NLGN1: variants seen among roughly 807,000 people sequenced by gnomAD.
The protein encoded by NLGN1 is neuroligin-1.
In NLGN1, 12 loss-of-function variants were observed where a neutral mutation model predicts 65.5. The observed-to-expected ratio is 0.18, with a 90% CI of 0.12 to 0.30. The LOEUF is 0.30. Ranked by LOEUF, NLGN1 falls within the 10% of genes least tolerant of loss-of-function variation. NLGN1 has a pLI of 1.00. For synonymous variants in NLGN1, 350 were observed against 359.5 expected (o/e 0.97, Z 0.30); for missense variants, 750 against 1,007.1 (o/e 0.74, Z 3.46).
chr3:173,944,197 C>T (rs1001264764), intron 4 of NLGN1, among the ~76,000 whole-genome samples: 3 of 149,154 alleles, frequency 2.0e-5, no homozygotes, highest in East Asian at 2.0e-4. Flanking sequence ...GAAAGCTTCC[C>T]GAAAGGAGGC....
At chr3:174,033,221 G>A (rs1730414712) in intron 4 of NLGN1, among the ~76,000 whole-genome samples, 1 of 152,118 alleles carries the variant, frequency 6.6e-6, no homozygotes, top group Non-Finnish European at 1.5e-5. Flanking sequence ...ATTAATTAGG[G>A]ACGTCGAAAG....
chr3:174,199,599 A>G (rs1402778010), intron 4 of NLGN1, among the ~76,000 whole-genome samples: 1 of 152,018 alleles, frequency 6.6e-6, no homozygotes, highest in African/African-American at 2.4e-5. Context: ...AATGAATACG[A>G]TGATTAGATA....
At chr3:174,080,061 A>G (rs1741824731) in intron 4 of NLGN1, among the ~76,000 whole-genome samples, 1 of 152,188 alleles carries the variant, frequency 6.6e-6, no homozygotes, top group African/African-American at 2.4e-5. Flanking sequence ...ATTAAAAGAT[A>G]AACAATGGAA....
chr3:174,265,783 GTATA>G (rs1168048305), intron 4 of NLGN1, among the ~76,000 whole-genome samples: 7 of 128,516 alleles, frequency 5.4e-5, no homozygotes, highest in African/African-American at 9.3e-5. Flanking sequence ...ATATATATAT[GTATA>G]TATATATATA....
intron 2 of NLGN1, among the ~76,000 whole-genome samples, chr3:173,537,071 A>G (rs1377496619): frequency 6.6e-6 from 1 of 152,182 alleles, no homozygotes; most frequent in Non-Finnish European, 1.5e-5. Flanking sequence ...ACCCACATAC[A>G]TTGGAGAAGG....
chr3:173,747,135 ATATATG>A (rs1245321933), intron 3 of NLGN1, among the ~76,000 whole-genome samples: 3 of 149,660 alleles, frequency 2.0e-5, no homozygotes, highest in African/African-American at 7.3e-5. Flanking sequence ...GTGTGTGTAT[ATATATG>A]TATATGTATA....
At chr3:174,014,070 C>G (rs1467942678) in intron 4 of NLGN1, among the ~76,000 whole-genome samples, 2 of 151,978 alleles carry the variant, frequency 1.3e-5, no homozygotes, top group Non-Finnish European at 2.9e-5. Flanking sequence ...GTTGATATTG[C>G]CACGTCTTAG....
chr3:174,099,808 A>G lies in NLGN1; in HGVS notation c.647-175507A>G, dbSNP rs183906855. 2.8e-3 allele frequency among the ~76,000 whole-genome samples: 425 copies of G among 152,296 alleles called. 2 individuals are homozygous for G. Among genetic ancestry groups the G allele is most frequent in the African/African-American group, 9.8e-3 (406 of 41,574 alleles). ...AAAGAAAACTTGTTAGTTAATTCTTATATCTCAAAGAGAGATAAACTGTGA... is the reference window on the plus strand; with the variant it reads ...AAAGAAAACTTGTTAGTTAATTCTTGTATCTCAAAGAGAGATAAACTGTGA... On this transcript the variant is annotated intron_variant, in intron 4 of 6. Coordinates refer to ENST00000457714, the Ensembl canonical transcript of NLGN1.
At chr3:174,142,844 A>T (rs956993271) in intron 4 of NLGN1, among the ~76,000 whole-genome samples, 2 of 152,196 alleles carry the variant, frequency 1.3e-5, no homozygotes, top group Non-Finnish European at 2.9e-5. Context: ...CTGAGGCTGG[A>T]TAATTTATAA....
chr3:173,730,943 C>G (rs111684413), intron 3 of NLGN1, among the ~76,000 whole-genome samples: 2 of 151,940 alleles, frequency 1.3e-5, no homozygotes, highest in Non-Finnish European at 2.9e-5. Flanking sequence ...AGAAAGCAAA[C>G]GTATCAATCT....
intron 4 of NLGN1, among the ~76,000 whole-genome samples, chr3:174,223,117 T>A (rs1738967907): frequency 2.0e-5 from 3 of 152,080 alleles, no homozygotes; most frequent in Admixed American, 2.0e-4. Flanking sequence ...ATACTTCAAC[T>A]CTCCTAACAG....
At chr3:173,916,957 G>A (rs2152245896) in intron 4 of NLGN1, among the ~76,000 whole-genome samples, 1 of 152,270 alleles carries the variant, frequency 6.6e-6, no homozygotes, top group Admixed American at 6.5e-5. Context: ...AAATGTGGGT[G>A]TTTTGTTTTG....
chr3:174,115,823 T>C (rs1432280118), intron 4 of NLGN1, among the ~76,000 whole-genome samples: 1 of 152,218 alleles, frequency 6.6e-6, no homozygotes, highest in Non-Finnish European at 1.5e-5. Flanking sequence ...TTAACTCCTC[T>C]GAGCTTTAAT....
At chr3:173,465,559 AGTTAGAAAT>A (rs1724206075) in intron 2 of NLGN1, among the ~76,000 whole-genome samples, 1 of 152,240 alleles carries the variant, frequency 6.6e-6, no homozygotes, top group African/African-American at 2.4e-5. Flanking sequence ...CCAAGTAGGT[AGTTAGAAAT>A]GTCAGAATGA....
intron 2 of NLGN1, among the ~76,000 whole-genome samples, chr3:173,529,729 T>C (rs1457072526): frequency 6.6e-6 from 1 of 152,114 alleles, no homozygotes; most frequent in Admixed American, 6.5e-5. Context: ...TTCCACCCAA[T>C]AAAGACGGCT....
chr3:174,273,228 G>GTAAC (rs1444039096), intron 4 of NLGN1, among the ~76,000 whole-genome samples: 4 of 151,642 alleles, frequency 2.6e-5, no homozygotes, highest in South Asian at 4.1e-4. Context: ...TAATTTGAAT[G>GTAAC]TAACTGCAAT....
At chr3:173,428,280 GTTA>G (rs1162943925) in intron 1 of NLGN1, among the ~76,000 whole-genome samples, 4 of 151,764 alleles carry the variant, frequency 2.6e-5, no homozygotes, top group African/African-American at 7.2e-5. Flanking sequence ...TACATTCAGT[GTTA>G]TTATTGATAG....
intron 4 of NLGN1, among the ~76,000 whole-genome samples, chr3:174,072,632 TAACTGCTTCCCA>T (rs1265121182): frequency 6.6e-6 from 1 of 152,124 alleles, no homozygotes. Flanking sequence ...TAAAGCTGTC[TAACTGCTTCCCA>T]CAAAGCTTGC....
At chr3:174,156,592 ATTGT>A (rs768549414) in intron 4 of NLGN1, among the ~76,000 whole-genome samples, 4 of 151,792 alleles carry the variant, frequency 2.6e-5, no homozygotes, top group Non-Finnish European at 5.9e-5. Context: ...TATCAAAGGT[ATTGT>A]TTTAAGAATG....
Sources: allele counts gnomAD v4.1 joint callset (sites outside exome capture counted in the v4.1 genomes callset), GRCh38; gene constraint gnomAD v4.1.1; transcripts MANE v1.5; gene names NCBI Gene and HGNC (gene_info 2026-07-23, HGNC 2026-07-21).